Variants in ASTN2 observed in about 807,000 individuals in gnomAD.
The protein encoded by ASTN2 is astrotactin 2, also known as astrotactin-2.
A neutral mutation model predicts 139.8 loss-of-function variants in ASTN2; 54 were observed. The observed-to-expected ratio is 0.39, with a 90% CI of 0.31 to 0.48. The LOEUF is 0.48. Ranked by LOEUF, ASTN2 falls within the 20% of genes least tolerant of loss-of-function variation. The probability of loss-of-function intolerance (pLI) is 0.95; values close to 1 mark genes in which losing one functional copy is unlikely to be tolerated. For synonymous variants in ASTN2, 756 were observed against 719.5 expected, an observed-to-expected ratio of 1.05 and a Z score of -0.81; for missense variants, 1,565 against 1,725.1, an observed-to-expected ratio of 0.91 and a Z score of 1.64.
At chr9:116,651,447 C>T (rs910428492) in intron 17 of ASTN2, 81 bp downstream of exon 17, 3 of 1,483,654 alleles carry the variant, frequency 2.0e-6, no homozygotes, top group African/African-American at 1.4e-5. Context: ...GATGACAATA[C>T]CCCTGGACAA....
intron 1 of ASTN2, among the ~76,000 whole-genome samples, chr9:117,356,306 G>A (rs572350426): frequency 4.7e-4 from 72 of 152,300 alleles, no homozygotes; most frequent in African/African-American, 1.6e-3. Context: ...TATGCATCTC[G>A]ATTCTTCTTG....
chr9:116,634,587 CTCAAAAAAA>C (rs1856973651), intron 17 of ASTN2, among the ~76,000 whole-genome samples: 1 of 53,362 alleles, frequency 1.9e-5, no homozygotes, highest in African/African-American at 8.6e-5. Flanking sequence ...GAGACTCCGT[CTCAAAAAAA>C]AAAAAAAAAA....
At chr9:117,291,770 A>C (rs947384516) in intron 1 of ASTN2, among the ~76,000 whole-genome samples, 21 of 152,246 alleles carry the variant, frequency 1.4e-4, no homozygotes, top group African/African-American at 5.1e-4. Context: ...TTTTTAGTAC[A>C]TCACATGTGA....
intron 10 of ASTN2, among the ~76,000 whole-genome samples, chr9:116,948,270 C>T (rs1484363742): frequency 6.6e-6 from 1 of 152,204 alleles, no homozygotes; most frequent in Non-Finnish European, 1.5e-5. Context: ...ATGTAAATAT[C>T]TCTTTCCTCA....
At chr9:116,730,915 A>C (rs1441744) in intron 14 of ASTN2, among the ~76,000 whole-genome samples, 111,703 of 152,104 alleles carry the variant, frequency 0.73, 41,174 homozygotes, top group South Asian at 0.86. Flanking sequence ...AGCTTCTCCA[A>C]TGGAATGGAT....
intron 2 of ASTN2, among the ~76,000 whole-genome samples, chr9:117,268,641 T>C (rs1241551793): frequency 6.6e-6 from 1 of 152,190 alleles, no homozygotes; most frequent in Non-Finnish European, 1.5e-5. Flanking sequence ...CAAGACCTTG[T>C]GCATATAAGA....
At chr9:117,261,081 G>C (rs369074914) in intron 2 of ASTN2, among the ~76,000 whole-genome samples, 2 of 152,260 alleles carry the variant, frequency 1.3e-5, no homozygotes, top group East Asian at 3.9e-4. Flanking sequence ...GCATGAATGA[G>C]ATGTTATTAG....
chr9:116,519,447 A>G, intron 19 of ASTN2, among the ~76,000 whole-genome samples: 1 of 152,122 alleles, frequency 6.6e-6, no homozygotes, highest in East Asian at 1.9e-4. Flanking sequence ...ATAAAAAAAA[A>G]TCTTTGAACT....
At chr9:117,276,816 T>G (rs954047123) in intron 2 of ASTN2, among the ~76,000 whole-genome samples, 1 of 152,172 alleles carries the variant, frequency 6.6e-6, no homozygotes, top group African/African-American at 2.4e-5. Flanking sequence ...TCCCTAGCTG[T>G]GTGGTCTTGG....
chr9:116,935,576 A>G (rs987862670), intron 10 of ASTN2, among the ~76,000 whole-genome samples: 16 of 152,218 alleles, frequency 1.1e-4, no homozygotes, highest in Non-Finnish European at 4.4e-5. Context: ...AGCAAAAAAA[A>G]GAAAAAAAAA....
chr9:117,147,491 C>G (rs989328498), intron 3 of ASTN2, among the ~76,000 whole-genome samples: 4 of 151,232 alleles, frequency 2.6e-5, no homozygotes, highest in African/African-American at 9.8e-5. Flanking sequence ...TCTCTTCCCC[C>G]ACGCAACCAC....
chr9:117,036,727 C>T (rs1468716377), intron 6 of ASTN2, among the ~76,000 whole-genome samples: 2 of 152,166 alleles, frequency 1.3e-5, no homozygotes, highest in Non-Finnish European at 2.9e-5. Context: ...TTTCTTCCTG[C>T]AATAACCATA....
intron 19 of ASTN2, among the ~76,000 whole-genome samples, chr9:116,515,005 G>A (rs1393600515): frequency 1.3e-5 from 2 of 151,978 alleles, no homozygotes; most frequent in Non-Finnish European, 1.5e-5. Flanking sequence ...CCACTGTCCT[G>A]CACCCACTGT....
chr9:116,757,595 G>A (rs1279019575), intron 13 of ASTN2, among the ~76,000 whole-genome samples: 2 of 152,088 alleles, frequency 1.3e-5, no homozygotes, highest in African/African-American at 4.8e-5. Flanking sequence ...CTGTGTATGT[G>A]GACAAGCATC....
At chr9:116,809,782 A>G (rs1356518813) in intron 12 of ASTN2, among the ~76,000 whole-genome samples, 1 of 152,202 alleles carries the variant, frequency 6.6e-6, no homozygotes, top group Non-Finnish European at 1.5e-5. Context: ...GACATCTTGC[A>G]TTAACCACAC....
chr9:117,341,468 G>A (rs1012175126), intron 1 of ASTN2, among the ~76,000 whole-genome samples: 7 of 152,076 alleles, frequency 4.6e-5, no homozygotes, highest in Non-Finnish European at 8.8e-5. Context: ...AGGAGAAAGG[G>A]ATAATAATAA....
At chr9:116,617,939 C>T (rs1317409373) in intron 19 of ASTN2, among the ~76,000 whole-genome samples, 1 of 152,184 alleles carries the variant, frequency 6.6e-6, no homozygotes, top group African/African-American at 2.4e-5. Flanking sequence ...AAGTGTATCT[C>T]ACTAGAAAGC....
chr9:117,123,099 T>A (rs1479584074), intron 4 of ASTN2, among the ~76,000 whole-genome samples: 1 of 152,058 alleles, frequency 6.6e-6, no homozygotes, highest in African/African-American at 2.4e-5. Context: ...TGTATCAGGA[T>A]CACCTGTAAG....
At chr9:117,402,529 C>T (rs1468251648) in intron 1 of ASTN2, among the ~76,000 whole-genome samples, 3 of 152,240 alleles carry the variant, frequency 2.0e-5, no homozygotes, top group East Asian at 3.9e-4. Context: ...GCAAATCACA[C>T]ATCAATAGTG....
Sources: gnomAD v4.1 joint callset for allele counts (sites outside exome capture counted in the v4.1 genomes callset) on GRCh38, gnomAD v4.1.1 for gene constraint, MANE v1.5 for transcripts, NCBI Gene and HGNC (gene_info 2026-07-23, HGNC 2026-07-21) for gene names.